ATG10: variants seen among roughly 807,000 people sequenced by gnomAD.
The protein encoded by ATG10 is autophagy related 10.
ATG10 carries 30 observed loss-of-function variants against 32.1 expected under a neutral mutation model. The observed-to-expected ratio is 0.94, with a 90% confidence interval of 0.70 to 1.27. ATG10 has a LOEUF of 1.27. Among genes scored for constraint, ATG10 ranks in the 50% most tolerant of loss-of-function variants. The pLI, the probability that ATG10 is intolerant of heterozygous loss-of-function variation, is 0.00. For synonymous variants in ATG10, 87 were observed against 91.5 expected (o/e 0.95, Z 0.28); for missense variants, 233 against 262.3 (o/e 0.89, Z 0.77).
At chr5:82,209,387 A>G (rs904992381) in intron 5 of ATG10, among the ~76,000 whole-genome samples, 1 of 152,152 alleles carries the variant, frequency 6.6e-6, no homozygotes, top group African/African-American at 2.4e-5. Flanking sequence ...TGATTAGATC[A>G]TGAGAGAAGA....
chr5:82,041,093 A>G (rs1376449419), intron 2 of ATG10, among the ~76,000 whole-genome samples: 1 of 152,178 alleles, frequency 6.6e-6, no homozygotes. Flanking sequence ...TTTAATCTTC[A>G]GTGCACTTAT....
chr5:82,099,808 T>C (rs1765197512), intron 3 of ATG10, among the ~76,000 whole-genome samples: 1 of 152,098 alleles, frequency 6.6e-6, no homozygotes, highest in Admixed American at 6.6e-5. Flanking sequence ...TCATTTCAAA[T>C]CTGAAAAGCA....
intron 2 of ATG10, among the ~76,000 whole-genome samples, chr5:82,027,728 T>G (rs1443733165): frequency 6.6e-6 from 1 of 152,226 alleles, no homozygotes; most frequent in East Asian, 1.9e-4. Flanking sequence ...GCCAGCATAT[T>G]CACAAAACAA....
At chr5:81,988,811 T>C (rs78605202) in intron 2 of ATG10, among the ~76,000 whole-genome samples, 9,972 of 152,252 alleles carry the variant, frequency 0.065, 1,093 homozygotes, top group African/African-American at 0.23. Context: ...TTAGAGTTAG[T>C]TCTCTGTCAA....
intron 2 of ATG10, among the ~76,000 whole-genome samples, chr5:82,003,109 G>A (rs1351215700): frequency 2.0e-5 from 3 of 152,050 alleles, no homozygotes; most frequent in African/African-American, 7.3e-5. Context: ...TTTTGTGATT[G>A]TTTTATACCT....
chr5:81,976,018 T>G (rs74406302), intron 1 of ATG10, among the ~76,000 whole-genome samples: 4 of 149,158 alleles, frequency 2.7e-5, no homozygotes, highest in African/African-American at 1.0e-4. Flanking sequence ...TTTTTTTTTT[T>G]GAGATGGAGT....
chr5:81,983,915 CAGAGACACTCCTCACTTCCT>C (rs1761165131), intron 1 of ATG10, among the ~76,000 whole-genome samples: 1 of 151,474 alleles, frequency 6.6e-6, no homozygotes, highest in Admixed American at 6.6e-5. Context: ...GGCGGCCGGG[CAGAGACACTCCTCACTTCCT>C]AGATGGGATG....
chr5:82,193,552 C>T (rs964047007), intron 5 of ATG10, among the ~76,000 whole-genome samples: 4 of 152,130 alleles, frequency 2.6e-5, no homozygotes, highest in South Asian at 2.1e-4. Context: ...TGTAGAAGGT[C>T]GCATATGGTA....
chr5:82,019,694 G>A (rs1321957355), intron 2 of ATG10, among the ~76,000 whole-genome samples: 5 of 152,090 alleles, frequency 3.3e-5, no homozygotes, highest in African/African-American at 1.2e-4. Flanking sequence ...ATGAGTTTGG[G>A]GTACCTACAG....
intron 3 of ATG10, among the ~76,000 whole-genome samples, chr5:82,153,559 G>A (rs984216597): frequency 2.0e-5 from 3 of 152,146 alleles, no homozygotes; most frequent in Non-Finnish European, 2.9e-5. Flanking sequence ...AATCTATCTG[G>A]GTGGGTGTTG....
At chr5:82,027,091 TA>T (rs1762615594) in intron 2 of ATG10, among the ~76,000 whole-genome samples, 1 of 150,798 alleles carries the variant, frequency 6.6e-6, no homozygotes, top group African/African-American at 2.4e-5. Context: ...AATAAATAAA[TA>T]AATAAATAAA....
chr5:82,018,607 C>T (rs1163456735), intron 2 of ATG10, among the ~76,000 whole-genome samples: 5 of 152,188 alleles, frequency 3.3e-5, no homozygotes, highest in African/African-American at 9.7e-5. Context: ...TGTCCAGGCA[C>T]GCTGACCTTG....
chr5:81,973,543 A>C (rs933749484), intron 1 of ATG10, among the ~76,000 whole-genome samples: 1 of 152,182 alleles, frequency 6.6e-6, no homozygotes, highest in Non-Finnish European at 1.5e-5. Flanking sequence ...TTCCATTGTG[A>C]GTTTAATAAA....
chr5:81,983,524 C>T (rs1358085860), intron 1 of ATG10, among the ~76,000 whole-genome samples: 6 of 147,420 alleles, frequency 4.1e-5, no homozygotes, highest in Non-Finnish European at 9.0e-5. Flanking sequence ...ACCCCCCCCA[C>T]CTCCCTCCCG....
intron 4 of ATG10, among the ~76,000 whole-genome samples, chr5:82,169,652 A>T (rs1483697894): frequency 6.6e-6 from 1 of 152,228 alleles, no homozygotes; most frequent in Non-Finnish European, 1.5e-5. Flanking sequence ...TTGTGTATTT[A>T]TATTTATGTT....
chr5:82,089,977 G>A (rs1450943158), intron 3 of ATG10, among the ~76,000 whole-genome samples: 1 of 151,314 alleles, frequency 6.6e-6, no homozygotes, highest in East Asian at 1.9e-4. Flanking sequence ...ACAAGCACAT[G>A]AAAAGATGTT....
intron 2 of ATG10, among the ~76,000 whole-genome samples, chr5:82,050,219 G>C (rs140083607): frequency 2.7e-4 from 41 of 151,990 alleles, no homozygotes; most frequent in Non-Finnish European, 4.9e-4. Context: ...CCATTGTATG[G>C]ATGATTTTAA....
chr5:82,009,321 A>T (rs1014607465), intron 2 of ATG10, among the ~76,000 whole-genome samples: 53 of 152,246 alleles, frequency 3.5e-4, no homozygotes, highest in African/African-American at 1.2e-3. Context: ...ATTTGCCTAT[A>T]TCCTCTGATC....
chr5:81,982,903 A>T (rs1581562905), intron 1 of ATG10, among the ~76,000 whole-genome samples: 2 of 152,220 alleles, frequency 1.3e-5, no homozygotes. Context: ...TCAACAGGAT[A>T]AGAATTTTTC....
Sources: allele counts gnomAD v4.1 joint callset (sites outside exome capture counted in the v4.1 genomes callset), GRCh38; gene constraint gnomAD v4.1.1; transcripts MANE v1.5; gene names NCBI Gene and HGNC (gene_info 2026-07-23, HGNC 2026-07-21).